Variants in IL12RB2 observed in about 807,000 individuals in gnomAD.
IL12RB2 encodes the protein interleukin-12 receptor subunit beta-2.
Under a neutral mutation model 89.4 loss-of-function variants are expected in IL12RB2, and 82 were observed. The ratio of observed to expected loss-of-function variants is 0.92; its 90% CI spans 0.77 to 1.10. IL12RB2 has a LOEUF of 1.10. Among genes scored for constraint, IL12RB2 ranks in the 50% least tolerant of loss-of-function variants. IL12RB2 has a pLI of 0.00. For missense variants in IL12RB2, 963 were observed against 1,031.9 expected (o/e 0.93, Z 0.92); for synonymous variants, 368 against 370.1 (o/e 0.99, Z 0.07).
intron 10 of IL12RB2, among the ~76,000 whole-genome samples, chr1:67,363,350 G>T (rs577365243): frequency 2.2e-4 from 33 of 151,372 alleles, no homozygotes; most frequent in Non-Finnish European, 3.5e-4. Context: ...CCTAGTAGCT[G>T]GGATTACAGG....
intron 8 of IL12RB2, among the ~76,000 whole-genome samples, chr1:67,332,792 C>T (rs1018893787): frequency 4.6e-5 from 7 of 152,144 alleles, no homozygotes; most frequent in Non-Finnish European, 7.3e-5. Flanking sequence ...TAAGTTATAT[C>T]ACATTAAGCT....
chr1:67,345,438 T>G (rs1426465170), intron 9 of IL12RB2, among the ~76,000 whole-genome samples: 1 of 152,198 alleles, frequency 6.6e-6, no homozygotes, highest in East Asian at 1.9e-4. Context: ...CCAACCTATA[T>G]CACACTGCAC....
chr1:67,337,130 C>T (rs1658872748), intron 8 of IL12RB2, among the ~76,000 whole-genome samples: 1 of 152,194 alleles, frequency 6.6e-6, no homozygotes, highest in Non-Finnish European at 1.5e-5. Context: ...CACACAGCAC[C>T]TGCCCTCTAC....
At chr1:67,366,526 A>T (rs1238949282) in intron 10 of IL12RB2, among the ~76,000 whole-genome samples, 1 of 151,934 alleles carries the variant, frequency 6.6e-6, no homozygotes, top group Non-Finnish European at 1.5e-5. Context: ...ACCACTTTAT[A>T]TATACCAGAT....
chr1:67,361,798 G>T (rs1023415956), intron 10 of IL12RB2, among the ~76,000 whole-genome samples: 1 of 151,972 alleles, frequency 6.6e-6, no homozygotes, highest in Non-Finnish European at 1.5e-5. Flanking sequence ...CACAGACCCA[G>T]GAACCTTAAA....
In IL12RB2 at chr1:67,321,843, C is replaced by A. The variant is rs1336036577; in HGVS notation, c.318C>A (p.Ile106=). ...TTLFVCKLAC[I]NSDEIQICGA... ...TGTTTGTCTGCAAACTGGCCTGTAT[C>A]AATAGTGATGAAATTCAAATATGTG... The change falls in exon 4 of 17, where the codon ATC becomes ATA. Residue 106 remains isoleucine (I), a synonymous_variant. Coordinates refer to ENST00000674203, the MANE Select transcript of IL12RB2 (RefSeq NM_001374259.2). The A allele has an allele frequency of 6.2e-7, 1 of 1,613,830 alleles. No homozygotes were observed. Among genetic ancestry groups the A allele is most frequent in the Non-Finnish European group, 8.5e-7 (1 of 1,179,754 alleles).
intron 10 of IL12RB2, among the ~76,000 whole-genome samples, chr1:67,367,591 G>A (rs1486729885): frequency 6.6e-6 from 1 of 151,512 alleles, no homozygotes; most frequent in East Asian, 1.9e-4. Context: ...GAAAAGAAGG[G>A]GAAAATAATT....
chr1:67,355,738 G>A (rs1004219181), intron 10 of IL12RB2, among the ~76,000 whole-genome samples: 4 of 152,200 alleles, frequency 2.6e-5, no homozygotes, highest in Admixed American at 1.3e-4. Context: ...CAGTGAAAAT[G>A]GAGATGGGAA....
rs1408951240 is a variant in IL12RB2, at chr1:67,396,699, A to T, written c.*610A>T. ...ACTGTATTGGAGTGCACAGCTCTAG[A>T]TGGCTCCTAGATTATTGAGAGCCTT... On this transcript the variant is annotated 3_prime_UTR_variant, in exon 17 of 17. Transcript: ENST00000674203. The T allele has an allele frequency of 1.3e-5, 2 of 156,110 alleles. No homozygotes were observed. Among genetic ancestry groups the T allele is most frequent in the Non-Finnish European group, 2.8e-5 (2 of 70,400 alleles). The allele number at this position is 156,110 out of a possible 1,614,324, so 9.7% of individuals were successfully genotyped here.
chr1:67,385,587 A>G (rs949202585), intron 14 of IL12RB2, among the ~76,000 whole-genome samples: 1 of 152,206 alleles, frequency 6.6e-6, no homozygotes, highest in Non-Finnish European at 1.5e-5. Flanking sequence ...GCCATGTCCT[A>G]TTTATCTTTG....
chr1:67,312,633 A>G (rs1655223047), intron 1 of IL12RB2, among the ~76,000 whole-genome samples: 1 of 151,956 alleles, frequency 6.6e-6, no homozygotes, highest in Non-Finnish European at 1.5e-5. Context: ...ATTCCAGAAA[A>G]AATAGGAAAA....
chr1:67,379,377 GC>G (rs1664324720), intron 13 of IL12RB2, among the ~76,000 whole-genome samples: 1 of 150,760 alleles, frequency 6.6e-6, no homozygotes, highest in South Asian at 2.1e-4. Flanking sequence ...GGGCATGGTG[GC>G]ACATACCTGT....
chr1:67,392,812 T>C (rs989644455), intron 16 of IL12RB2, among the ~76,000 whole-genome samples: 1 of 151,888 alleles, frequency 6.6e-6, no homozygotes, highest in Non-Finnish European at 1.5e-5. Flanking sequence ...TTTGTATTTT[T>C]TTAGTAGAGA....
intron 16 of IL12RB2, among the ~76,000 whole-genome samples, chr1:67,392,871 G>A (rs986179104): frequency 6.6e-6 from 1 of 151,954 alleles, no homozygotes; most frequent in Non-Finnish European, 1.5e-5. Context: ...TGATCCACCC[G>A]CCTCAGCCTC....
chr1:67,374,937 G>A (rs1663800741), intron 13 of IL12RB2, among the ~76,000 whole-genome samples: 1 of 151,884 alleles, frequency 6.6e-6, no homozygotes, highest in Non-Finnish European at 1.5e-5. Flanking sequence ...GCCTGCATAA[G>A]GGTATTTAAA....
intron 16 of IL12RB2, among the ~76,000 whole-genome samples, chr1:67,392,473 C>T (rs1665929691): frequency 1.3e-5 from 2 of 152,172 alleles, no homozygotes; most frequent in Non-Finnish European, 2.9e-5. Context: ...TTTACACACA[C>T]TCATACATCT....
At chr1:67,318,954 G>C (rs1656141749) in intron 2 of IL12RB2, among the ~76,000 whole-genome samples, 1 of 152,194 alleles carries the variant, frequency 6.6e-6, no homozygotes, top group African/African-American at 2.4e-5. Flanking sequence ...GGAAAACAAA[G>C]AGTAGCCAGC....
In IL12RB2 at chr1:67,389,963, A is replaced by G. The variant is rs888576749; in HGVS notation, c.1947-66A>G. 9 of 841,446 alleles carry G rather than the reference A, an allele frequency of 1.1e-5. No individual in the cohort carries two copies. In the African/African-American group the frequency reaches 1.3e-4, roughly 12 times the overall value. The allele number at this position is 841,446 out of a possible 1,614,324, so 52.1% of individuals were successfully genotyped here. A position where few individuals can be genotyped will look rare whatever the true frequency, so the allele number is the denominator to read the frequency against. ...CCCTTACACTGAAGTTACTGCACTG[A>G]GAACCTGTGCTTCCATGCCACTGTG... On this transcript the variant is annotated intron_variant, in intron 15 of 16. Coordinates refer to ENST00000674203, the MANE Select transcript of IL12RB2 (RefSeq NM_001374259.2).
At position 67,320,315 on chromosome 1, in the gene IL12RB2, T is replaced by A. The variant is rs1287061678; in HGVS notation, c.-36-18T>A. The stretch of plus-strand genomic sequence containing the variant: ...TCTGAACATATTTAACATGAATGAA[T>A]TTGTCTTCTTTTGCAAGGAAGAATA... On this transcript the variant is annotated intron_variant, in intron 2 of 16. Coordinates refer to ENST00000674203, the MANE Select transcript of IL12RB2 (RefSeq NM_001374259.2). 3 of 1,613,440 alleles carry A rather than the reference T, an allele frequency of 1.9e-6. No homozygotes were observed. The highest frequency in any genetic ancestry group is 2.5e-6 in the Non-Finnish European group (3 of 1,179,640).
Sources: allele counts gnomAD v4.1 joint callset (sites outside exome capture counted in the v4.1 genomes callset), GRCh38; gene constraint gnomAD v4.1.1; transcripts MANE v1.5; gene names NCBI Gene and HGNC (gene_info 2026-07-23, HGNC 2026-07-21).